CHLSN: variants seen among roughly 807,000 people sequenced by gnomAD.
CHLSN encodes protein cholesin.
At chr7:985,140 G>C in the CHLSN span, 10 of 1,601,154 alleles carry the variant, frequency 6.2e-6, no homozygotes, top group East Asian at 2.2e-5. Context: ...GGGCCTGGAC[G>C]TGCCTGAGGC....
At chr7:1,114,181 T>C in the CHLSN span, among the ~76,000 whole-genome samples, 8 of 152,120 alleles carry the variant, frequency 5.3e-5, no homozygotes, top group African/African-American at 1.9e-4. Context: ...GGCCAGACTG[T>C]GCGGCCACTG....
chr7:1,019,121 G>C, the CHLSN span, among the ~76,000 whole-genome samples: 1 of 150,560 alleles, frequency 6.6e-6, no homozygotes, highest in African/African-American at 2.4e-5. Context: ...GAACCCGCGG[G>C]GGGCAGAGGT....
At chr7:986,783 A>T in the CHLSN span, 65 of 1,577,694 alleles carry the variant, frequency 4.1e-5, no homozygotes, top group Non-Finnish European at 5.2e-5. Context: ...GGACGCCCTG[A>T]TCCAGCAGGG....
At chr7:1,082,603 G>A in the CHLSN span, among the ~76,000 whole-genome samples, 2 of 152,234 alleles carry the variant, frequency 1.3e-5, no homozygotes, top group African/African-American at 2.4e-5. Context: ...GGCCACCGAT[G>A]GGCAGAGATG....
At chr7:1,101,951 C>T in the CHLSN span, among the ~76,000 whole-genome samples, 169 of 152,352 alleles carry the variant, frequency 1.1e-3, no homozygotes, top group Non-Finnish European at 2.3e-3. Flanking sequence ...CCAGGCCAGC[C>T]GAGCCAGGAA....
At chr7:1,063,858 G>T in the CHLSN span, among the ~76,000 whole-genome samples, 1 of 152,158 alleles carries the variant, frequency 6.6e-6, no homozygotes, top group Admixed American at 6.5e-5. Context: ...CTGTACCCCT[G>T]TACCTGTGCT....
At chr7:1,039,013 G>T in the CHLSN span, among the ~76,000 whole-genome samples, 1 of 77,092 alleles carries the variant, frequency 1.3e-5, no homozygotes, top group Non-Finnish European at 2.8e-5. Flanking sequence ...GGAGGTGGGG[G>T]TGTCGGCCCC....
At chr7:1,027,367 G>T in the CHLSN span, among the ~76,000 whole-genome samples, 1 of 152,240 alleles carries the variant, frequency 6.6e-6, no homozygotes, top group Non-Finnish European at 1.5e-5. Flanking sequence ...TCGCGTGTCC[G>T]TGCGGACGCC....
the CHLSN span, chr7:983,249 G>C: frequency 1.3e-6 from 2 of 1,533,536 alleles, no homozygotes; most frequent in Non-Finnish European, 1.8e-6. Context: ...GGCCTCCTGG[G>C]GCTCTGGGGG....
the CHLSN span, among the ~76,000 whole-genome samples, chr7:1,109,858 C>G: frequency 0.25 from 37,422 of 151,362 alleles, 4,962 homozygotes; most frequent in African/African-American, 0.31. Context: ...GCAAAGACAT[C>G]TCTCTGTCTA....
At chr7:985,231 G>A in the CHLSN span, 15 of 1,553,094 alleles carry the variant, frequency 9.7e-6, no homozygotes, top group Admixed American at 2.0e-5. Flanking sequence ...GCTCCTCTTC[G>A]GCCGCCGATT....
chr7:1,093,620 G>C, the CHLSN span: 1 of 471,252 alleles, frequency 2.1e-6, no homozygotes, highest in South Asian at 1.5e-5. Context: ...GACCGTGCGA[G>C]CTGCCGTGTG....
chr7:987,465 G>T, the CHLSN span: 1 of 1,564,506 alleles, frequency 6.4e-7, no homozygotes, highest in Non-Finnish European at 8.6e-7. Flanking sequence ...GGTTCATCAC[G>T]CTCCTGCCGC....
the CHLSN span, chr7:1,093,519 G>A: frequency 8.5e-6 from 4 of 470,884 alleles, no homozygotes; most frequent in South Asian, 4.6e-5. Context: ...GCAGCAGGAA[G>A]GCCCCTCTGT....
the CHLSN span, among the ~76,000 whole-genome samples, chr7:1,011,412 C>T: frequency 1.8e-5 from 2 of 108,574 alleles, no homozygotes; most frequent in African/African-American, 1.0e-4. Context: ...TACCCAAACA[C>T]CCACAGACAC....
At chr7:1,083,079 G>C in the CHLSN span, among the ~76,000 whole-genome samples, 1 of 152,032 alleles carries the variant, frequency 6.6e-6, no homozygotes, top group African/African-American at 2.4e-5. Context: ...CAAGGGCAGA[G>C]CTCAGCCAGC....
chr7:1,005,667 C>T, the CHLSN span, among the ~76,000 whole-genome samples: 1 of 152,238 alleles, frequency 6.6e-6, no homozygotes, highest in African/African-American at 2.4e-5. Flanking sequence ...GGTTCCAGGC[C>T]CGGAGGCCAC....
the CHLSN span, among the ~76,000 whole-genome samples, chr7:1,136,057 AATAT>A: frequency 8.6e-6 from 1 of 116,176 alleles, no homozygotes; most frequent in South Asian, 2.6e-4. Flanking sequence ...AGTATATATA[AATAT>A]ATATAAATAT....
the CHLSN span, among the ~76,000 whole-genome samples, chr7:1,037,459 C>T: frequency 1.1e-3 from 136 of 129,024 alleles, 12 homozygotes; most frequent in Middle Eastern, 8.3e-3. Flanking sequence ...TTGGCCGGGC[C>T]GGTCTCCAGC....
Sources: gnomAD v4.1 joint callset for allele counts (sites outside exome capture counted in the v4.1 genomes callset) on GRCh38, gnomAD v4.1.1 for gene constraint, MANE v1.5 for transcripts, NCBI Gene and HGNC (gene_info 2026-07-23, HGNC 2026-07-21) for gene names.